The following TENM4 variants were observed in gnomAD, a reference collection of about 807,000 sequenced individuals.
TENM4 encodes teneurin-4.
TENM4 carries 82 observed loss-of-function variants against 243.3 expected under a neutral mutation model. The observed-to-expected ratio is 0.34, with a 90% CI of 0.28 to 0.40. The LOEUF (loss-of-function observed/expected upper bound fraction) is 0.40, where lower values mean the gene tolerates loss of function less well. TENM4 is among the 10% of genes least tolerant of loss of function. TENM4 has a pLI of 1.00. For missense variants in TENM4, 3,138 were observed against 3,673.3 expected, an observed-to-expected ratio of 0.85 and a Z score of 3.77; for synonymous variants, 1,412 against 1,456.3, an observed-to-expected ratio of 0.97 and a Z score of 0.69.
chr11:79,436,394 C>T (rs1256096090), intron 1 of TENM4, among the ~76,000 whole-genome samples: 1 of 152,070 alleles, frequency 6.6e-6, no homozygotes, highest in Non-Finnish European at 1.5e-5. Flanking sequence ...AATATTGTGC[C>T]ATTTTACAGG....
intron 9 of TENM4, among the ~76,000 whole-genome samples, chr11:78,888,119 A>G (rs1855584899): frequency 6.6e-6 from 1 of 152,230 alleles, no homozygotes; most frequent in African/African-American, 2.4e-5. Context: ...GAGCCTGGGT[A>G]GGCCTTGACC....
intron 3 of TENM4, among the ~76,000 whole-genome samples, chr11:79,167,201 C>G (rs757876412): frequency 6.6e-6 from 1 of 152,156 alleles, no homozygotes; most frequent in African/African-American, 2.4e-5. Flanking sequence ...TGCCTGGTTG[C>G]GAGGTGGCTG....
intron 4 of TENM4, among the ~76,000 whole-genome samples, chr11:79,083,554 T>TA (rs1860731314): frequency 6.6e-6 from 1 of 152,206 alleles, no homozygotes; most frequent in Admixed American, 6.5e-5. Context: ...CAGCCAGCCC[T>TA]TGTTTGAGCT....
At chr11:79,054,509 T>A (rs1859890150) in intron 6 of TENM4, among the ~76,000 whole-genome samples, 2 of 152,070 alleles carry the variant, frequency 1.3e-5, no homozygotes, top group Admixed American at 6.6e-5. Flanking sequence ...CATCTTTTTT[T>A]TTTTTTTGAG....
At chr11:78,995,354 T>C (rs780983741) in intron 6 of TENM4, among the ~76,000 whole-genome samples, 1 of 152,054 alleles carries the variant, frequency 6.6e-6, no homozygotes, top group Admixed American at 6.6e-5. Flanking sequence ...ATGGAAAGCT[T>C]TGAAGCAGAG....
At chr11:79,165,913 T>A (rs569944073) in intron 3 of TENM4, among the ~76,000 whole-genome samples, 11 of 152,324 alleles carry the variant, frequency 7.2e-5, no homozygotes, top group African/African-American at 2.6e-4. Flanking sequence ...CCCCACTTTA[T>A]GTTGTTGTTT....
intron 5 of TENM4, among the ~76,000 whole-genome samples, chr11:79,066,878 G>C (rs1860274034): frequency 6.6e-6 from 1 of 152,232 alleles, no homozygotes; most frequent in Admixed American, 6.5e-5. Context: ...GCTATGCTAG[G>C]CTGTGGTGGT....
In TENM4 at chr11:78,653,861, A is replaced by G. The variant is rs1857829030; in HGVS notation, c.*4197T>C. 6.6e-6 allele frequency: 1 copy of G among 152,272 alleles called. No individual in the cohort carries two copies. Among genetic ancestry groups the G allele is most frequent in the Non-Finnish European group, 1.5e-5 (1 of 68,066 alleles). The allele number at this position is 152,272 out of a possible 1,614,324, so 9.4% of individuals were successfully genotyped here. On this transcript the variant is annotated 3_prime_UTR_variant, in exon 34 of 34. Coordinates refer to ENST00000278550, the MANE Select transcript of TENM4 (RefSeq NM_001098816.3). ...CACACTCTGATATTCCACATTCGTA[A>G]TGAAACCTAAGAGTCACCACTGTCT... is the stretch of plus-strand genomic sequence containing the variant.
intron 2 of TENM4, among the ~76,000 whole-genome samples, chr11:79,225,212 C>A (rs1864239970): frequency 6.6e-6 from 1 of 152,068 alleles, no homozygotes; most frequent in Non-Finnish European, 1.5e-5. Flanking sequence ...TTCCGTCAGC[C>A]CTAGGAAATC....
chr11:79,157,837 AGT>A (rs1406517702), intron 3 of TENM4, among the ~76,000 whole-genome samples: 1 of 152,168 alleles, frequency 6.6e-6, no homozygotes, highest in Admixed American at 6.5e-5. Flanking sequence ...GGCCTTGGAC[AGT>A]GTATTTTTAC....
At chr11:79,188,502 A>G (rs574440626) in intron 3 of TENM4, among the ~76,000 whole-genome samples, 1 of 152,058 alleles carries the variant, frequency 6.6e-6, no homozygotes, top group African/African-American at 2.4e-5. Context: ...GGTGAGGAAA[A>G]GGGAAAAGAG....
intron 3 of TENM4, among the ~76,000 whole-genome samples, chr11:79,200,489 C>T (rs1472545090): frequency 6.6e-6 from 1 of 152,218 alleles, no homozygotes; most frequent in Non-Finnish European, 1.5e-5. Context: ...GCAAACTTGG[C>T]CCAGGAAGGG....
chr11:78,792,776 G>A (rs1857084088), intron 15 of TENM4, among the ~76,000 whole-genome samples: 1 of 152,194 alleles, frequency 6.6e-6, no homozygotes, highest in African/African-American at 2.4e-5. Context: ...ATTATGTAGA[G>A]GCTCAGTGTC....
intron 7 of TENM4, among the ~76,000 whole-genome samples, chr11:78,896,563 A>T (rs1049435966): frequency 6.6e-6 from 1 of 151,802 alleles, no homozygotes; most frequent in African/African-American, 2.4e-5. Context: ...TCTCCATTTA[A>T]TCTCATCCTC....
At chr11:79,362,214 G>GT (rs1397722926) in intron 1 of TENM4, among the ~76,000 whole-genome samples, 1 of 152,236 alleles carries the variant, frequency 6.6e-6, no homozygotes, top group Admixed American at 6.5e-5. Flanking sequence ...GGTAAGATGT[G>GT]TAACTGCTGA....
intron 2 of TENM4, among the ~76,000 whole-genome samples, chr11:79,276,868 C>T (rs905820431): frequency 9.2e-5 from 14 of 152,268 alleles, no homozygotes; most frequent in Middle Eastern, 6.8e-3. Context: ...AGACCTAGCC[C>T]AGCTGCTCTG....
intron 3 of TENM4, among the ~76,000 whole-genome samples, chr11:79,178,633 ATGCAGGTCCTG>A (rs1319421207): frequency 6.6e-6 from 1 of 152,234 alleles, no homozygotes; most frequent in Non-Finnish European, 1.5e-5. Flanking sequence ...ATATAGCAAC[ATGCAGGTCCTG>A]GGGCCCTTGA....
At chr11:79,306,308 A>T (rs1176655695) in intron 1 of TENM4, among the ~76,000 whole-genome samples, 1 of 152,120 alleles carries the variant, frequency 6.6e-6, no homozygotes, top group Non-Finnish European at 1.5e-5. Flanking sequence ...CCACTCAGGG[A>T]TATGGGAGAC....
At position 79,121,211 on chromosome 11, in the gene TENM4, G is replaced by C. The variant is rs147443294; in HGVS notation, c.-66+27499C>G. Reference sequence around the variant, plus strand: ...TACATAGGCTTTCTTGTTTACATAGGCTTTCTAGGAGCTTTCCTGTCTTCC... The same window carrying C: ...TACATAGGCTTTCTTGTTTACATAGCCTTTCTAGGAGCTTTCCTGTCTTCC... On this transcript the variant is annotated intron_variant, in intron 4 of 33. Transcript: ENST00000278550. 5.7e-3 allele frequency among the ~76,000 whole-genome samples: 552 copies of C among 96,238 alleles called. 1 individual carries two copies. Among genetic ancestry groups the C allele is most frequent in the African/African-American group, 0.017 (538 of 32,376 alleles). 63.1% of individuals were successfully genotyped at this position (96,238 alleles called of 152,430 possible). A position where few individuals can be genotyped will look rare whatever the true frequency, so the allele number is the denominator to read the frequency against.
Sources: gnomAD v4.1 joint callset for allele counts (sites outside exome capture counted in the v4.1 genomes callset) on GRCh38, gnomAD v4.1.1 for gene constraint, MANE v1.5 for transcripts, NCBI Gene and HGNC (gene_info 2026-07-23, HGNC 2026-07-21) for gene names.